NPAS3: variants seen among roughly 807,000 people sequenced by gnomAD.
NPAS3 encodes the protein neuronal PAS domain-containing protein 3.
In NPAS3, 14 loss-of-function variants were observed where a neutral mutation model predicts 73.1. That is an observed-to-expected ratio of 0.19 (90% CI 0.13 to 0.30). The LOEUF (loss-of-function observed/expected upper bound fraction) is 0.30, where lower values mean the gene tolerates loss of function less well. Among genes scored for constraint, NPAS3 ranks in the 10% least tolerant of loss-of-function variants. NPAS3 has a pLI of 1.00. For missense variants in NPAS3, 1,096 were observed against 1,250.0 expected (o/e 0.88, Z 1.86); for synonymous variants, 620 against 541.5 (o/e 1.14, Z -2.01).
chr14:32,941,493 T>C (rs974342153), intron 1 of NPAS3, among the ~76,000 whole-genome samples: 2 of 151,306 alleles, frequency 1.3e-5, no homozygotes, highest in African/African-American at 2.4e-5. Flanking sequence ...GGAAACTTCA[T>C]AGCCTGTGCA....
rs181671538 is a variant in NPAS3, at chr14:32,999,742, G to A, written c.51-56163G>A. Among the ~76,000 whole-genome samples the A allele has an allele frequency of 1.3e-5, 2 of 152,208 alleles. 1 individual carries two copies. The highest frequency in any genetic ancestry group is 4.8e-5 in the African/African-American group (2 of 41,532). ...GCCCGGGGAAAAATCTGTTAGTGAT[G>A]TATTTTCTTAGACCCAGTTATACTT... On this transcript the variant is annotated intron_variant, in intron 1 of 11. Transcript: ENST00000356141.
At chr14:32,941,511 GTTCT>G (rs1241279174) in intron 1 of NPAS3, among the ~76,000 whole-genome samples, 2 of 151,284 alleles carry the variant, frequency 1.3e-5, no homozygotes, top group Non-Finnish European at 2.9e-5. Flanking sequence ...GCATGAGTGC[GTTCT>G]TTATCACCTG....
chr14:33,361,422 CAATT>C (rs915863984), intron 3 of NPAS3, among the ~76,000 whole-genome samples: 64 of 152,268 alleles, frequency 4.2e-4, no homozygotes, highest in Middle Eastern at 3.4e-3. Context: ...CTAAACAGAT[CAATT>C]AGACATTGTA....
intron 3 of NPAS3, among the ~76,000 whole-genome samples, chr14:33,271,514 T>A (rs1483609691): frequency 6.6e-6 from 1 of 152,088 alleles, no homozygotes; most frequent in Non-Finnish European, 1.5e-5. Flanking sequence ...CTTCTGAGGC[T>A]TTCATTTGGG....
chr14:33,416,476 A>G (rs10148313), intron 4 of NPAS3, among the ~76,000 whole-genome samples: 15,403 of 151,890 alleles, frequency 0.1, 884 homozygotes, highest in East Asian at 0.16. Context: ...CACAAATAAC[A>G]TAGGAAAGCC....
chr14:33,385,547 A>G (rs2046741041), intron 4 of NPAS3, among the ~76,000 whole-genome samples: 1 of 152,158 alleles, frequency 6.6e-6, no homozygotes, highest in African/African-American at 2.4e-5. Context: ...AAAACAGGTA[A>G]GTTCCTGGAG....
At chr14:33,412,726 G>A (rs2047983192) in intron 4 of NPAS3, among the ~76,000 whole-genome samples, 1 of 152,128 alleles carries the variant, frequency 6.6e-6, no homozygotes, top group Non-Finnish European at 1.5e-5. Flanking sequence ...CACCTAATCT[G>A]TTTGACATTT....
intron 5 of NPAS3, among the ~76,000 whole-genome samples, chr14:33,609,686 A>G (rs1214644845): frequency 1.3e-5 from 2 of 152,060 alleles, no homozygotes; most frequent in Non-Finnish European, 2.9e-5. Context: ...CAGCCATTTG[A>G]AATTAGCCTT....
At chr14:33,382,431 T>C (rs180772355) in intron 4 of NPAS3, among the ~76,000 whole-genome samples, 1 of 152,144 alleles carries the variant, frequency 6.6e-6, no homozygotes, top group Non-Finnish European at 1.5e-5. Flanking sequence ...GGGGACAAGT[T>C]TTTTTCACTG....
chr14:33,574,034 G>C (rs182314155), intron 5 of NPAS3, among the ~76,000 whole-genome samples: 2 of 152,208 alleles, frequency 1.3e-5, no homozygotes, highest in African/African-American at 4.8e-5. Context: ...TGAGAAGCTC[G>C]TGGGACATCT....
chr14:33,210,103 T>C (rs1287274714), intron 2 of NPAS3, among the ~76,000 whole-genome samples: 2 of 152,234 alleles, frequency 1.3e-5, no homozygotes, highest in Non-Finnish European at 2.9e-5. Context: ...ATTATTTCCA[T>C]AATCATTATA....
upstream of NPAS3, among the ~76,000 whole-genome samples, chr14:32,937,651 C>T (rs1288300377): frequency 2.0e-5 from 3 of 152,322 alleles, no homozygotes; most frequent in Non-Finnish European, 4.4e-5. Flanking sequence ...TTTCCAACTC[C>T]CAGCCCTACT....
At chr14:33,105,741 T>A (rs987936839) in intron 2 of NPAS3, among the ~76,000 whole-genome samples, 5 of 151,218 alleles carry the variant, frequency 3.3e-5, no homozygotes, top group Admixed American at 6.6e-5. Flanking sequence ...ATATTGAACA[T>A]ATATCGTTAT....
chr14:33,745,399 G>C (rs1319341635), intron 7 of NPAS3, among the ~76,000 whole-genome samples: 1 of 152,202 alleles, frequency 6.6e-6, no homozygotes, highest in African/African-American at 2.4e-5. Flanking sequence ...TGAGGATTTG[G>C]ACTTAGTCCT....
intron 5 of NPAS3, among the ~76,000 whole-genome samples, chr14:33,601,381 C>G (rs1302043809): frequency 6.6e-6 from 1 of 152,218 alleles, no homozygotes; most frequent in East Asian, 1.9e-4. Flanking sequence ...GCCCTTGATT[C>G]ACTGTTCGTT....
intron 5 of NPAS3, among the ~76,000 whole-genome samples, chr14:33,563,537 C>CACACACACACACACACACAG: frequency 8.4e-6 from 1 of 119,650 alleles, no homozygotes; most frequent in African/African-American, 3.7e-5. Context: ...CACACACACA[C>CACACACACACACACACACAG]AGAGAGAGAG....
chr14:33,027,313 G>C (rs2039841130), intron 1 of NPAS3, among the ~76,000 whole-genome samples: 1 of 152,210 alleles, frequency 6.6e-6, no homozygotes, highest in Non-Finnish European at 1.5e-5. Context: ...TTCAGAGAAA[G>C]ACGTGCTTGG....
intron 5 of NPAS3, among the ~76,000 whole-genome samples, chr14:33,590,645 G>C (rs1181040596): frequency 2.0e-5 from 3 of 152,298 alleles, no homozygotes; most frequent in African/African-American, 4.8e-5. Flanking sequence ...TGTAATCCCA[G>C]TTACATAAGA....
intron 2 of NPAS3, among the ~76,000 whole-genome samples, chr14:33,095,790 T>G (rs2042398093): frequency 6.6e-6 from 1 of 150,662 alleles, no homozygotes; most frequent in Non-Finnish European, 1.5e-5. Flanking sequence ...TGCCTCAGCC[T>G]CTGGAGTAGC....
Sources: allele counts gnomAD v4.1 joint callset (sites outside exome capture counted in the v4.1 genomes callset), GRCh38; gene constraint gnomAD v4.1.1; transcripts MANE v1.5; gene names NCBI Gene and HGNC (gene_info 2026-07-23, HGNC 2026-07-21).